DIP2C: variants seen among roughly 807,000 people sequenced by gnomAD.
DIP2C encodes DIP2 acetate--CoA ligase C (putative).
A neutral mutation model predicts 192.4 loss-of-function variants in DIP2C; 33 were observed. The observed-to-expected ratio is 0.17, with a 90% confidence interval of 0.13 to 0.23. The LOEUF is 0.23. Ranked by LOEUF, DIP2C falls within the 10% of genes least tolerant of loss-of-function variation. The pLI is 1.00. For synonymous variants in DIP2C, 979 were observed against 864.1 expected (o/e 1.13, Z -2.33); for missense variants, 1,537 against 2,110.1 (o/e 0.73, Z 5.32).
At position 492,519 on chromosome 10, in the gene DIP2C, A is replaced by G. The variant is rs145823292; in HGVS notation, c.86-5989T>C. Reference sequence around the variant, plus strand: ...GCACTAGGATTCATACATTCACCTGAGCTTTTTGCTTAATAAAAAACATTA... The same window carrying G: ...GCACTAGGATTCATACATTCACCTGGGCTTTTTGCTTAATAAAAAACATTA... On this transcript the variant is annotated intron_variant, in intron 1 of 36. Transcript: ENST00000280886. 4.3e-3 allele frequency among the ~76,000 whole-genome samples: 657 copies of G among 152,276 alleles called. 7 individuals are homozygous for G. Among genetic ancestry groups the G allele is most frequent in the African/African-American group, 0.015 (630 of 41,542 alleles).
chr10:587,157 G>A (rs937721910), intron 1 of DIP2C, among the ~76,000 whole-genome samples: 2 of 150,238 alleles, frequency 1.3e-5, no homozygotes, highest in Admixed American at 6.6e-5. Flanking sequence ...GACCACCCGG[G>A]TCCCTGCTGA....
chr10:489,004 T>TC (rs1189211432), intron 1 of DIP2C, among the ~76,000 whole-genome samples: 3 of 152,118 alleles, frequency 2.0e-5, no homozygotes, highest in African/African-American at 7.2e-5. Flanking sequence ...ATTTACCTGT[T>TC]CAGTTACTGG....
intron 1 of DIP2C, among the ~76,000 whole-genome samples, chr10:686,057 T>C (rs1831324379): frequency 6.6e-6 from 1 of 152,222 alleles, no homozygotes; most frequent in South Asian, 2.1e-4. Context: ...GTATCAGTTA[T>C]TAATGAAATT....
At chr10:490,978 C>CAA (rs1209617861) in intron 1 of DIP2C, among the ~76,000 whole-genome samples, 1 of 152,208 alleles carries the variant, frequency 6.6e-6, no homozygotes, top group Admixed American at 6.5e-5. Flanking sequence ...ACTTATGTTG[C>CAA]AATCCAGAGT....
rs377526471 is a variant in DIP2C at position 648,570 on chromosome 10, G to A, written c.85+40924C>T. On this transcript the variant is annotated intron_variant, in intron 1 of 36. Transcript: ENST00000280886. ...TGAGTCCACGTCCACATTTGAGGGTGGGCAAGAACAGAGGGAAACTGAGTC... is the reference window on the plus strand; with the variant it reads ...TGAGTCCACGTCCACATTTGAGGGTAGGCAAGAACAGAGGGAAACTGAGTC... 5.2e-4 allele frequency among the ~76,000 whole-genome samples: 79 copies of A among 151,986 alleles called. No homozygotes were observed. The East Asian group carries it at 6.8e-3, about 13-fold the overall frequency.
At chr10:647,037 T>C (rs530310667) in intron 1 of DIP2C, among the ~76,000 whole-genome samples, 4 of 152,342 alleles carry the variant, frequency 2.6e-5, no homozygotes, top group South Asian at 4.2e-4. Context: ...CATGTCCACA[T>C]TTGACAGTAG....
At chr10:682,372 C>T (rs1399500357) in intron 1 of DIP2C, among the ~76,000 whole-genome samples, 1 of 152,190 alleles carries the variant, frequency 6.6e-6, no homozygotes, top group Admixed American at 6.5e-5. Context: ...CACCTCCCTC[C>T]TCAAACTAGG....
chr10:443,871 TTTCA>T (rs571282365), intron 3 of DIP2C, among the ~76,000 whole-genome samples: 1 of 152,226 alleles, frequency 6.6e-6, no homozygotes, highest in Non-Finnish European at 1.5e-5. Flanking sequence ...ACAATTATTT[TTTCA>T]TTGTTTTCTT....
At chr10:318,057 G>A (rs143625218) in intron 31 of DIP2C, among the ~76,000 whole-genome samples, 5 of 152,294 alleles carry the variant, frequency 3.3e-5, no homozygotes, top group East Asian at 3.9e-4. Context: ...CTGAGTAGAC[G>A]TAAAAGCAGC....
intron 1 of DIP2C, among the ~76,000 whole-genome samples, chr10:580,151 G>A (rs570815914): frequency 2.4e-4 from 36 of 152,210 alleles, no homozygotes; most frequent in South Asian, 1.0e-3. Context: ...ACACATATCC[G>A]ATGTACAGTG....
intron 1 of DIP2C, among the ~76,000 whole-genome samples, chr10:659,300 C>T (rs769420115): frequency 4.2e-4 from 64 of 152,232 alleles, no homozygotes; most frequent in Non-Finnish European, 7.2e-4. Flanking sequence ...CACATATACA[C>T]ATGCATGCAT....
intron 29 of DIP2C, among the ~76,000 whole-genome samples, chr10:337,723 ATGTG>A (rs1325771586): frequency 8.2e-6 from 1 of 121,682 alleles, no homozygotes; most frequent in African/African-American, 3.3e-5. Context: ...GCCTAGGCTG[ATGTG>A]TGTGTGTGTT....
At position 652,777 on chromosome 10, in the gene DIP2C, C is replaced by G. The variant is rs543032905; in HGVS notation, c.85+36717G>C. ...TATCCTCCTCAAGCACAGAACCGCA[C>G]GCAGAGTGATTTTTTTTTTTTTAAA... is the stretch of plus-strand genomic sequence containing the variant. On this transcript the variant is annotated intron_variant, in intron 1 of 36. Transcript: ENST00000280886. The surrounding 1 kb of genome is among the most constrained non-coding windows in gnomAD (Gnocchi z 4.5). 6.6e-6 allele frequency: 1 copy of G among 152,016 alleles called. No homozygotes were observed. Among genetic ancestry groups the G allele is most frequent in the Non-Finnish European group, 1.5e-5 (1 of 68,048 alleles). 9.4% of individuals were successfully genotyped at this position (152,016 alleles called of 1,614,324 possible). A position where few individuals can be genotyped will look rare whatever the true frequency, so the allele number is the denominator to read the frequency against.
intron 31 of DIP2C, among the ~76,000 whole-genome samples, chr10:324,249 G>A (rs991316487): frequency 6.6e-6 from 1 of 152,218 alleles, no homozygotes; most frequent in South Asian, 2.1e-4. Context: ...TTTCTTTGTA[G>A]TAAAATTTGA....
chr10:296,708 A>G (rs988444322), intron 32 of DIP2C, among the ~76,000 whole-genome samples: 6 of 152,140 alleles, frequency 3.9e-5, no homozygotes, highest in African/African-American at 1.4e-4. Flanking sequence ...CTATGCAGCC[A>G]TAAAAAAGGA....
chr10:535,571 T>A (rs1847651088), intron 1 of DIP2C, among the ~76,000 whole-genome samples: 1 of 152,138 alleles, frequency 6.6e-6, no homozygotes, highest in Non-Finnish European at 1.5e-5. Context: ...ATTTACACTC[T>A]GCAGTGACAC....
chr10:571,031 T>C (rs1453623698), intron 1 of DIP2C, among the ~76,000 whole-genome samples: 1 of 152,198 alleles, frequency 6.6e-6, no homozygotes, highest in Non-Finnish European at 1.5e-5. Flanking sequence ...GCTTCCACGC[T>C]GGACCGGCAC....
chr10:623,963 T>C (rs535921932), intron 1 of DIP2C, among the ~76,000 whole-genome samples: 48 of 152,326 alleles, frequency 3.2e-4, no homozygotes, highest in African/African-American at 1.1e-3. Flanking sequence ...TGAGTTTTCA[T>C]CTGGAAAACT....
At position 504,086 on chromosome 10, in the gene DIP2C, A is replaced by C. The variant is rs532681563; in HGVS notation, c.86-17556T>G. Among the ~76,000 whole-genome samples the C allele has an allele frequency of 2.0e-3, 303 of 152,246 alleles. 1 individual carries two copies. The highest frequency in any genetic ancestry group is 0.014 in the Middle Eastern group (4 of 294). On this transcript the variant is annotated intron_variant, in intron 1 of 36. Coordinates refer to ENST00000280886, the MANE Select transcript of DIP2C (RefSeq NM_014974.3). ...CATGGAAATACTCTCTCTTCATCTC[A>C]CGACACACACAGGTGGTAACTGCAG...
Sources: gnomAD v4.1 joint callset for allele counts (sites outside exome capture counted in the v4.1 genomes callset) on GRCh38, gnomAD v4.1.1 for gene constraint, Gnocchi (gnomAD v3.1) non-coding constraint, MANE v1.5 for transcripts, NCBI Gene and HGNC (gene_info 2026-07-23, HGNC 2026-07-21) for gene names.